The following NAALADL2 variants were observed in gnomAD, a reference collection of about 807,000 sequenced individuals.
The protein encoded by NAALADL2 is N-acetylated alpha-linked acidic dipeptidase like 2, also known as inactive N-acetylated-alpha-linked acidic dipeptidase-like protein 2.
Under a neutral mutation model 87.2 loss-of-function variants are expected in NAALADL2, and 76 were observed. The observed-to-expected ratio is 0.87, with a 90% CI of 0.72 to 1.05. The LOEUF is 1.05. NAALADL2 is among the 50% of genes least tolerant of loss of function. The pLI, the probability that NAALADL2 is intolerant of heterozygous loss-of-function variation, is 0.00. For synonymous variants in NAALADL2, 354 were observed against 331.0 expected (o/e 1.07, Z -0.75); for missense variants, 1,089 against 945.8 (o/e 1.15, Z -1.99).
intron 5 of NAALADL2, among the ~76,000 whole-genome samples, chr3:175,335,914 C>G (rs1359265459): frequency 6.6e-6 from 1 of 152,088 alleles, no homozygotes; most frequent in Non-Finnish European, 1.5e-5. Context: ...TTTGGTCGCT[C>G]TTTTAAATGT....
At chr3:174,514,352 T>TA (rs1270429564) in intron 1 of NAALADL2, among the ~76,000 whole-genome samples, 1 of 152,150 alleles carries the variant, frequency 6.6e-6, no homozygotes, top group Non-Finnish European at 1.5e-5. Context: ...TCTCTATGTA[T>TA]ATGTTTCATA....
At chr3:175,053,546 G>A (rs1359144770) in intron 1 of NAALADL2, among the ~76,000 whole-genome samples, 1 of 152,162 alleles carries the variant, frequency 6.6e-6, no homozygotes, top group Non-Finnish European at 1.5e-5. Context: ...AAGGTTTCAG[G>A]TGTCTTGACA....
chr3:175,528,186 T>A (rs1191037291), intron 9 of NAALADL2, among the ~76,000 whole-genome samples: 2 of 152,068 alleles, frequency 1.3e-5, no homozygotes, highest in Non-Finnish European at 2.9e-5. Flanking sequence ...TATATATAAA[T>A]AACGGGGAGT....
chr3:174,734,744 A>AT (rs961787226), intron 2 of NAALADL2, among the ~76,000 whole-genome samples: 69 of 152,340 alleles, frequency 4.5e-4, no homozygotes, highest in African/African-American at 1.6e-3. Context: ...GCACTTCTAA[A>AT]TTGGTGAATT....
intron 1 of NAALADL2, among the ~76,000 whole-genome samples, chr3:174,504,995 G>A (rs1472639687): frequency 1.3e-5 from 2 of 152,124 alleles, no homozygotes; most frequent in Non-Finnish European, 2.9e-5. Context: ...ATGTTTCCAA[G>A]TACACAAATT....
At position 175,297,299 on chromosome 3, in the gene NAALADL2, G is replaced by A. The variant is rs78918470; in HGVS notation, c.940-26876G>A. On this transcript the variant is annotated intron_variant, in intron 4 of 13. Coordinates refer to ENST00000454872, the MANE Select transcript of NAALADL2 (RefSeq NM_207015.3). ...TAGCACTCCTATGTTTTATTTAGCCGTGTTAGTACATTAAAATGAATTATC... is the reference window on the plus strand; with the variant it reads ...TAGCACTCCTATGTTTTATTTAGCCATGTTAGTACATTAAAATGAATTATC... Among the ~76,000 whole-genome samples, 1,277 of 152,238 alleles carry A rather than the reference G, an allele frequency of 8.4e-3. 15 individuals carry two copies. Among genetic ancestry groups the A allele is most frequent in the African/African-American group, 0.03 (1,227 of 41,548 alleles).
chr3:174,854,722 TTAAAAGAA>T (rs1725653188), upstream of NAALADL2, among the ~76,000 whole-genome samples: 1 of 151,956 alleles, frequency 6.6e-6, no homozygotes, highest in Non-Finnish European at 1.5e-5. Context: ...ACAAAAAACT[TTAAAAGAA>T]TAAAATAACA....
intron 1 of NAALADL2, among the ~76,000 whole-genome samples, chr3:175,000,385 C>A (rs1387702970): frequency 6.6e-6 from 1 of 152,062 alleles, no homozygotes; most frequent in Non-Finnish European, 1.5e-5. Context: ...CTGTGAAGGG[C>A]CAGATAGTAA....
chr3:174,720,453 G>T (rs1349803613), intron 2 of NAALADL2, among the ~76,000 whole-genome samples: 1 of 152,042 alleles, frequency 6.6e-6, no homozygotes, highest in Non-Finnish European at 1.5e-5. Flanking sequence ...GAGAGATATA[G>T]CTACAGATAT....
chr3:175,018,627 A>T (rs13070767), intron 1 of NAALADL2, among the ~76,000 whole-genome samples: 5 of 151,840 alleles, frequency 3.3e-5, no homozygotes, highest in African/African-American at 1.2e-4. Flanking sequence ...CCATGATTAC[A>T]AAAATAATTT....
chr3:174,646,720 ATTACTC>A (rs1237969865), intron 2 of NAALADL2, among the ~76,000 whole-genome samples: 2 of 152,122 alleles, frequency 1.3e-5, no homozygotes, highest in Admixed American at 6.5e-5. Flanking sequence ...AAAATTGATT[ATTACTC>A]TTTTATGCTG....
At chr3:175,798,796 G>A (rs970907000) in intron 13 of NAALADL2, among the ~76,000 whole-genome samples, 7 of 151,942 alleles carry the variant, frequency 4.6e-5, no homozygotes, top group Non-Finnish European at 8.8e-5. Context: ...TACTGTTCAT[G>A]CTTATGTGAA....
At chr3:174,773,437 G>A (rs1714824743) in intron 3 of NAALADL2, among the ~76,000 whole-genome samples, 1 of 152,072 alleles carries the variant, frequency 6.6e-6, no homozygotes, top group Admixed American at 6.6e-5. Flanking sequence ...TGAGATCCTG[G>A]GGAAGAGGGC....
chr3:175,001,835 AAT>A (rs1405489466), intron 1 of NAALADL2, among the ~76,000 whole-genome samples: 1 of 152,120 alleles, frequency 6.6e-6, no homozygotes, highest in African/African-American at 2.4e-5. Context: ...TTTTAGTGCC[AAT>A]CTGATGCCAC....
intron 1 of NAALADL2, among the ~76,000 whole-genome samples, chr3:174,884,405 C>T (rs537088216): frequency 7.2e-4 from 110 of 152,272 alleles, no homozygotes; most frequent in Non-Finnish European, 1.5e-3. Flanking sequence ...TTCTATCAAT[C>T]CAGCTGCTTC....
Position 174,770,581 on chromosome 3 carries a change from C to T in NAALADL2, c.-9+32835C>T, listed in dbSNP as rs554746073. On this transcript the variant is annotated intron_variant, in intron 3 of 3. Coordinates refer to the NAALADL2 transcript ENST00000434257. ...ATAAATATTTTTTGGTGGCTCACGC[C>T]TGTAATCCCAGCACTTTGGGAGGCC... is the stretch of plus-strand genomic sequence containing the variant. Among the ~76,000 whole-genome samples, 3 of 152,270 alleles carry T rather than the reference C, an allele frequency of 2.0e-5. No individual in the cohort carries two copies. The East Asian group carries it at 5.8e-4, about 29-fold the overall frequency.
At chr3:175,077,500 A>G (rs1716828575) in intron 1 of NAALADL2, among the ~76,000 whole-genome samples, 1 of 152,224 alleles carries the variant, frequency 6.6e-6, no homozygotes, top group African/African-American at 2.4e-5. Context: ...AAAAAATCAC[A>G]GGCAGAAATA....
intron 4 of NAALADL2, among the ~76,000 whole-genome samples, chr3:175,284,213 A>G (rs1472193459): frequency 7.5e-6 from 1 of 132,702 alleles, no homozygotes; most frequent in South Asian, 2.5e-4. Context: ...TCTTGCTTTA[A>G]ATGTGCTTTT....
chr3:174,882,654 C>T (rs534361590), intron 1 of NAALADL2, among the ~76,000 whole-genome samples: 38 of 131,816 alleles, frequency 2.9e-4, no homozygotes, highest in African/African-American at 1.2e-3. Flanking sequence ...TGCATATACA[C>T]ATATGTGCAT....
Sources: gnomAD v4.1 joint callset for allele counts (sites outside exome capture counted in the v4.1 genomes callset) on GRCh38, gnomAD v4.1.1 for gene constraint, MANE v1.5 for transcripts, NCBI Gene and HGNC (gene_info 2026-07-23, HGNC 2026-07-21) for gene names.